The following THSD7A variants were observed in gnomAD, a reference collection of about 807,000 sequenced individuals.
THSD7A encodes thrombospondin type-1 domain-containing protein 7A.
In THSD7A, 96 loss-of-function variants were observed where a neutral mutation model predicts 231.3. The ratio of observed to expected loss-of-function variants is 0.41; its 90% CI spans 0.35 to 0.49. The LOEUF is 0.49. Among genes scored for constraint, THSD7A ranks in the 20% least tolerant of loss-of-function variants. THSD7A has a pLI of 0.05. For missense variants in THSD7A, 2,290 were observed against 2,070.2 expected (o/e 1.11, Z -2.06); for synonymous variants, 940 against 743.3 (o/e 1.26, Z -4.30).
intron 13 of THSD7A, among the ~76,000 whole-genome samples, chr7:11,445,334 A>C (rs909096999): frequency 6.6e-6 from 1 of 152,086 alleles, no homozygotes; most frequent in Non-Finnish European, 1.5e-5. Context: ...AGACCAGAGA[A>C]AATTGCTTAA....
At chr7:11,558,359 T>C (rs1789935844) in intron 4 of THSD7A, among the ~76,000 whole-genome samples, 1 of 152,174 alleles carries the variant, frequency 6.6e-6, no homozygotes, top group African/African-American at 2.4e-5. Flanking sequence ...TAAAGCCTTT[T>C]ATTATACAAC....
At position 11,637,067 on chromosome 7, in the gene THSD7A, C is replaced by G. The variant is rs2074597; in HGVS notation, c.191-106G>C. 9.6e-7 allele frequency: 1 copy of G among 1,045,660 alleles called. No homozygotes were observed. Among genetic ancestry groups the G allele is most frequent in the African/African-American group, 1.6e-5 (1 of 62,270 alleles). The allele number at this position is 1,045,660 out of a possible 1,614,324, so 64.8% of individuals were successfully genotyped here. A position where few individuals can be genotyped will look rare whatever the true frequency, so the allele number is the denominator to read the frequency against. The stretch of plus-strand genomic sequence containing the variant: ...AAGACCTAGTACATTAACTTCCCTG[C>G]GGTGTTACAAAGTAGGTCTCTGGAC... On this transcript the variant is annotated intron_variant, in intron 1 of 27. Transcript: ENST00000423059. The surrounding 1 kb of genome is among the most constrained non-coding windows in gnomAD (Gnocchi z 4.2).
At position 11,375,421 on chromosome 7, in the gene THSD7A, TA is replaced by T. The variant is rs1782226661; in HGVS notation, c.*372del. On this transcript the variant is annotated 3_prime_UTR_variant, in exon 28 of 28. Coordinates refer to ENST00000423059, the MANE Select transcript of THSD7A (RefSeq NM_015204.3). ...AGATCTTGGTAGAAACTCTTCATGC[TA>T]GGAAGTTTTATGGATTAACACTGCA... 6.2e-6 allele frequency: 1 copy of T among 161,104 alleles called. No individual in the cohort carries two copies. Among genetic ancestry groups the T allele is most frequent in the African/African-American group, 2.5e-5 (1 of 40,702 alleles). The allele number at this position is 161,104 out of a possible 1,614,324, so 10.0% of individuals were successfully genotyped here. A position where few individuals can be genotyped will look rare whatever the true frequency, so the allele number is the denominator to read the frequency against.
At chr7:11,689,623 C>T (rs1780169783) in intron 1 of THSD7A, among the ~76,000 whole-genome samples, 1 of 151,526 alleles carries the variant, frequency 6.6e-6, no homozygotes, top group Admixed American at 6.6e-5. Context: ...CTTCTTTGGT[C>T]ATATTTCTTT....
At chr7:11,390,176 G>A (rs990441230) in intron 23 of THSD7A, among the ~76,000 whole-genome samples, 6 of 152,164 alleles carry the variant, frequency 3.9e-5, no homozygotes. Flanking sequence ...CTAGGTTGGG[G>A]AAGTTCTCCT....
At chr7:11,640,894 G>A (rs1371103572) in intron 1 of THSD7A, among the ~76,000 whole-genome samples, 1 of 151,960 alleles carries the variant, frequency 6.6e-6, no homozygotes, top group Non-Finnish European at 1.5e-5. Context: ...TCCCTAAAGG[G>A]GTTGAGGAGT....
chr7:11,607,127 T>C (rs943848506), intron 2 of THSD7A, among the ~76,000 whole-genome samples: 1 of 152,164 alleles, frequency 6.6e-6, no homozygotes, highest in Admixed American at 6.6e-5. Flanking sequence ...CCAACTCTTA[T>C]GCTTTCATGT....
At chr7:11,561,053 T>G (rs2128329642) in intron 4 of THSD7A, among the ~76,000 whole-genome samples, 1 of 152,268 alleles carries the variant, frequency 6.6e-6, no homozygotes, top group African/African-American at 2.4e-5. Context: ...AGTATGAAGT[T>G]GCCCTCAATT....
Position 11,406,935 on chromosome 7 carries a change from C to G in THSD7A, c.4037G>C (p.Gly1346Ala). 1 of 1,613,752 alleles carries G rather than the reference C, an allele frequency of 6.2e-7. No individual in the cohort carries two copies. The highest frequency in any genetic ancestry group is 1.3e-5 in the African/African-American group (1 of 74,986). The change falls in exon 21 of 28, where the codon GGC becomes GCC. Residue 1346 changes from glycine (G) to alanine (A), a missense_variant. Coordinates refer to ENST00000423059, the MANE Select transcript of THSD7A (RefSeq NM_015204.3). This position sits in a 1 kb window ranked among gnomAD's most constrained non-coding sequence, Gnocchi z 4.7. ...PVKPCYRWQY[G>A]QWSPCQVQEA... ...CTGCACTTGGCATGGAGACCACTGG[C>G]CATATTGCCACCGATAACAAGGCTT...
intron 1 of THSD7A, among the ~76,000 whole-genome samples, chr7:11,769,510 T>A (rs560014313): frequency 6.6e-6 from 1 of 151,952 alleles, no homozygotes; most frequent in Admixed American, 6.6e-5. Context: ...GATATTTATC[T>A]TTTTTTTCAA....
intron 1 of THSD7A, among the ~76,000 whole-genome samples, chr7:11,829,621 C>T (rs1785131335): frequency 6.6e-6 from 1 of 152,050 alleles, no homozygotes; most frequent in Non-Finnish European, 1.5e-5. Flanking sequence ...AGTATGTCAC[C>T]TCTTTTCTCT....
chr7:11,493,344 A>G lies in THSD7A; in HGVS notation c.1823-11362T>C, dbSNP rs1786974700. Among the ~76,000 whole-genome samples, 3 of 152,116 alleles carry G rather than the reference A, an allele frequency of 2.0e-5. No homozygotes were observed. The South Asian group carries it at 6.2e-4, about 31-fold the overall frequency. On this transcript the variant is annotated intron_variant, in intron 6 of 27. Transcript: ENST00000423059. Reference sequence around the variant, plus strand: ...TCAACATACGTTGAAATTAAAGAACAACGAGAACAAAGATCTTGAAAAAGA... The same window carrying G: ...TCAACATACGTTGAAATTAAAGAACGACGAGAACAAAGATCTTGAAAAAGA...
In THSD7A at chr7:11,474,960, A is replaced by G. The variant is rs1786096729; in HGVS notation, c.2018-392T>C. On this transcript the variant is annotated intron_variant, in intron 7 of 27. Coordinates refer to ENST00000423059, the MANE Select transcript of THSD7A (RefSeq NM_015204.3). This position sits in a 1 kb window ranked among gnomAD's most constrained non-coding sequence, Gnocchi z 4.1. ...GAGGCACTGAGAAAAATTTTGAAGGAGTAGGATTTCAATAAGCAGAATTCT... is the reference window on the plus strand; with the variant it reads ...GAGGCACTGAGAAAAATTTTGAAGGGGTAGGATTTCAATAAGCAGAATTCT... 6.6e-6 allele frequency among the ~76,000 whole-genome samples: 1 copy of G among 152,184 alleles called. No individual in the cohort carries two copies. The highest frequency in any genetic ancestry group is 2.4e-5 in the African/African-American group (1 of 41,446).
chr7:11,829,849 G>T lies in THSD7A; in HGVS notation c.190+1908C>A, dbSNP rs142790184. ...TCATTATTTTGCTTTCCAATTGAAT[G>T]AACTATTTTTTTTTTTTACCAAACC... On this transcript the variant is annotated intron_variant, in intron 1 of 27. Transcript: ENST00000423059. Among the ~76,000 whole-genome samples, 12 of 150,528 alleles carry T rather than the reference G, an allele frequency of 8.0e-5. No individual in the cohort carries two copies. The East Asian group carries it at 2.1e-3, about 27-fold the overall frequency.
chr7:11,382,436 T>C (rs1415422531), intron 24 of THSD7A, 85 bp downstream of exon 24: 1 of 1,142,276 alleles, frequency 8.8e-7, no homozygotes, highest in African/African-American at 1.5e-5. Context: ...AAAGAGTAAC[T>C]TTGTTTCCTT....
intron 11 of THSD7A, among the ~76,000 whole-genome samples, chr7:11,457,836 C>G (rs1261164413): frequency 6.6e-6 from 1 of 152,050 alleles, no homozygotes; most frequent in Non-Finnish European, 1.5e-5. Flanking sequence ...TCTACTTCTT[C>G]TAATATTATG....
At chr7:11,700,650 A>G (rs1157072416) in intron 1 of THSD7A, among the ~76,000 whole-genome samples, 1 of 151,202 alleles carries the variant, frequency 6.6e-6, no homozygotes, top group Non-Finnish European at 1.5e-5. Context: ...ATGAAGAACT[A>G]AATCATCTCT....
chr7:11,413,891 C>T (rs923222679), intron 17 of THSD7A: 2 of 152,274 alleles, frequency 1.3e-5, no homozygotes, highest in African/African-American at 2.4e-5. Context: ...AGCTTTGACC[C>T]CTGTGATTTC....
rs773106438 is a variant in THSD7A at position 11,541,401 on chromosome 7, T to C, written c.1822+18A>G. On this transcript the variant is annotated intron_variant, in intron 6 of 27. Transcript: ENST00000423059. ...GGGTTGGACATCCATAAAAACATAA[T>C]AGATACGTCTGTCTTACCATCACTG... 33 of 1,612,304 alleles carry C rather than the reference T, an allele frequency of 2.0e-5. No individual in the cohort carries two copies. The East Asian group carries it at 5.6e-4, about 27-fold the overall frequency.
Sources: allele counts gnomAD v4.1 joint callset (sites outside exome capture counted in the v4.1 genomes callset), GRCh38; gene constraint gnomAD v4.1.1; non-coding constraint Gnocchi (gnomAD v3.1); transcripts MANE v1.5; gene names NCBI Gene and HGNC (gene_info 2026-07-23, HGNC 2026-07-21).